DDX19B: variants seen among roughly 807,000 people sequenced by gnomAD.
DDX19B encodes DEAD-box helicase 19B.
In DDX19B, 27 loss-of-function variants were observed where a neutral mutation model predicts 58.1. The ratio of observed to expected loss-of-function variants is 0.46; its 90% confidence interval spans 0.34 to 0.64. DDX19B has a LOEUF of 0.64. DDX19B is among the 30% of genes least tolerant of loss of function. The pLI is 0.01. For synonymous variants in DDX19B, 187 were observed against 214.4 expected (o/e 0.87, Z 1.12); for missense variants, 399 against 596.5 (o/e 0.67, Z 3.45).
At chr16:70,297,994 C>T (rs1212271358), upstream of DDX19B, among the ~76,000 whole-genome samples, 1 of 152,204 alleles carries the variant, frequency 6.6e-6, no homozygotes, top group Non-Finnish European at 1.5e-5. Context: ...GCTAGGATTA[C>T]ACATGTGAGC....
intron 1 of DDX19B, among the ~76,000 whole-genome samples, chr16:70,309,883 T>TAA (rs1192571074): frequency 4.7e-5 from 7 of 147,724 alleles, no homozygotes; most frequent in African/African-American, 1.8e-4. Flanking sequence ...AACCACCAAT[T>TAA]AAAACATTTT....
chr16:70,331,171 T>C (rs974722898), intron 9 of DDX19B, among the ~76,000 whole-genome samples: 1 of 152,198 alleles, frequency 6.6e-6, no homozygotes, highest in Non-Finnish European at 1.5e-5. Flanking sequence ...TGGCTCTTGT[T>C]ACTAGGGCTA....
intron 2 of DDX19B, among the ~76,000 whole-genome samples, chr16:70,313,671 A>G (rs1019333341): frequency 2.0e-5 from 3 of 152,210 alleles, no homozygotes; most frequent in African/African-American, 7.2e-5. Context: ...ATATTTATCC[A>G]AAGTTAAGAT....
intron 7 of DDX19B, among the ~76,000 whole-genome samples, chr16:70,328,528 A>G (rs1963301609): frequency 6.6e-6 from 1 of 151,290 alleles, no homozygotes; most frequent in East Asian, 2.0e-4. Flanking sequence ...ACACCCAGCT[A>G]ATTTTTGTAT....
Position 70,329,990 on chromosome 16 carries a change from C to G in DDX19B, c.945C>G (p.Ser315Arg), listed in dbSNP as rs776293774. ...DTIKQYYVLCSSRDEKFQALC... is the reference protein window; with the variant it reads ...DTIKQYYVLCRSRDEKFQALC... ...TCAAGCAGTACTATGTCCTGTGCAG[C>G]AGCAGAGACGAGAAGTTCCAGGCCT... Residue 315 changes from serine (S) to arginine (R), a missense_variant, in exon 9 of 12, where the codon AGC becomes AGG. Ser to Arg is a moderately radical substitution (Grantham distance 110). This residue lies in a region of DDX19B where 198 missense variants were observed against 345.9 expected (regional missense o/e 0.57). Transcript: ENST00000288071. 9.3e-6 allele frequency: 15 copies of G among 1,614,190 alleles called. No individual in the cohort carries two copies. The highest frequency in any genetic ancestry group is 1.7e-5 in the Admixed American group (1 of 60,006).
chr16:70,328,640 G>A (rs888651449), intron 7 of DDX19B, among the ~76,000 whole-genome samples: 1 of 151,812 alleles, frequency 6.6e-6, no homozygotes, highest in Non-Finnish European at 1.5e-5. Context: ...TGGGATTACA[G>A]GCATGAGCCA....
chr16:70,326,973 T>C (rs2152211039), intron 7 of DDX19B, among the ~76,000 whole-genome samples: 1 of 152,048 alleles, frequency 6.6e-6, no homozygotes, highest in East Asian at 2.0e-4. Context: ...TAGCTGGGAC[T>C]ACAGGCGCCC....
chr16:70,317,654 C>G, intron 5 of DDX19B, 66 bp downstream of exon 5: 1 of 1,451,202 alleles, frequency 6.9e-7, no homozygotes, highest in East Asian at 2.3e-5. Context: ...TTATTATTTT[C>G]ACAGGCCAGC....
chr16:70,298,515 G>T (rs1007395864), upstream of DDX19B, among the ~76,000 whole-genome samples: 1 of 151,144 alleles, frequency 6.6e-6, no homozygotes, highest in African/African-American at 2.4e-5. Context: ...CCTAGACAGA[G>T]TTTTGCTCTG....
chr16:70,290,567 C>A (rs1309181943), upstream of DDX19B, among the ~76,000 whole-genome samples: 3 of 151,964 alleles, frequency 2.0e-5, no homozygotes, highest in African/African-American at 7.3e-5. Context: ...GGCATAGTGG[C>A]GCATGCTTGT....
chr16:70,322,730 A>G (rs1399194097), intron 5 of DDX19B, among the ~76,000 whole-genome samples: 1 of 151,902 alleles, frequency 6.6e-6, no homozygotes, highest in Non-Finnish European at 1.5e-5. Context: ...CATCTCTACT[A>G]AAAATACAAA....
intron 9 of DDX19B, 66 bp downstream of exon 9, chr16:70,330,134 A>G: frequency 1.3e-6 from 2 of 1,578,382 alleles, no homozygotes; most frequent in East Asian, 4.5e-5. Flanking sequence ...AGGGCTCAGG[A>G]GGACTGGATG....
intron 8 of DDX19B, among the ~76,000 whole-genome samples, 153 bp downstream of exon 8, chr16:70,329,622 C>T (rs951746194): frequency 6.6e-6 from 1 of 152,130 alleles, no homozygotes; most frequent in African/African-American, 2.4e-5. Flanking sequence ...TCAGCGCTGG[C>T]CACAGTCCCT....
At chr16:70,330,358 G>A (rs145602177) in intron 9 of DDX19B, among the ~76,000 whole-genome samples, 5 of 152,268 alleles carry the variant, frequency 3.3e-5, no homozygotes, top group South Asian at 2.1e-4. Flanking sequence ...AGGCCAAGGC[G>A]GGTGGATCAC....
rs776132389 is a variant in DDX19B, at chr16:70,325,592, A to G, written c.511A>G (p.Thr171Ala). ...CTGCCAGTGTCTATGTCTCTCCCCA[A>G]CGTATGAGCTCGCCCTCCAAACAGG... ...KYPQCLCLSPTYELALQTGKV... is the reference protein window; with the variant it reads ...KYPQCLCLSPAYELALQTGKV... Residue 171 changes from threonine to alanine, a missense_variant, in exon 7 of 12, where the codon ACG (threonine) becomes GCG (alanine). Thr to Ala is a moderately conservative substitution (Grantham distance 58). Transcript: ENST00000288071. 5.0e-6 allele frequency: 8 copies of G among 1,613,810 alleles called. No homozygotes were observed. Among genetic ancestry groups the G allele is most frequent in the Middle Eastern group, 1.6e-4 (1 of 6,062 alleles).
chr16:70,291,455 T>C (rs1048408588), upstream of DDX19B, among the ~76,000 whole-genome samples: 1 of 152,210 alleles, frequency 6.6e-6, no homozygotes, highest in Non-Finnish European at 1.5e-5. Context: ...AATTTAGTTC[T>C]GCTGCCAGAG....
upstream of DDX19B, among the ~76,000 whole-genome samples, chr16:70,290,398 G>A (rs1209617840): frequency 1.3e-5 from 2 of 152,030 alleles, no homozygotes; most frequent in African/African-American, 4.8e-5. Context: ...AGCCGGGCGC[G>A]CATCTGTAGT....
At chr16:70,307,797 C>T (rs1961845678) in intron 1 of DDX19B, among the ~76,000 whole-genome samples, 1 of 151,714 alleles carries the variant, frequency 6.6e-6, no homozygotes, top group Non-Finnish European at 1.5e-5. Context: ...GATCATAGCA[C>T]ACTGTAACCT....
chr16:70,295,450 A>AAT (rs1555544526), upstream of DDX19B, among the ~76,000 whole-genome samples: 5 of 143,044 alleles, frequency 3.5e-5, no homozygotes, highest in African/African-American at 1.0e-4. Flanking sequence ...CTTAAAAAAA[A>AAT]TTTTTTTTTT....
Sources: allele counts gnomAD v4.1 joint callset (sites outside exome capture counted in the v4.1 genomes callset), GRCh38; gene constraint gnomAD v4.1.1; regional missense constraint gnomAD v4.1.1; transcripts MANE v1.5; gene names NCBI Gene and HGNC (gene_info 2026-07-23, HGNC 2026-07-21).